The following LRP1B variants were observed in gnomAD, a reference collection of about 807,000 sequenced individuals.
LRP1B encodes the protein LDL receptor related protein 1B.
LRP1B carries 217 observed loss-of-function variants against 556.6 expected under a neutral mutation model. The observed-to-expected ratio is 0.39, with a 90% confidence interval of 0.35 to 0.44. The LOEUF (loss-of-function observed/expected upper bound fraction) is 0.44, where lower values mean the gene tolerates loss of function less well. LRP1B is among the 20% of genes least tolerant of loss of function. The pLI, the probability that LRP1B is intolerant of heterozygous loss-of-function variation, is 1.00. For synonymous variants in LRP1B, 2,047 were observed against 1,865.8 expected, an observed-to-expected ratio of 1.10 and a Z score of -2.50; for missense variants, 5,053 against 5,620.8, an observed-to-expected ratio of 0.90 and a Z score of 3.23.
At chr2:140,415,975 A>G (rs111334532) in intron 66 of LRP1B, among the ~76,000 whole-genome samples, 1,804 of 152,318 alleles carry the variant, frequency 0.012, 40 homozygotes, top group African/African-American at 0.042. Flanking sequence ...ATTTGCATCA[A>G]GGCTGAATTG....
At chr2:140,537,969 C>T (rs1203674988) in intron 45 of LRP1B, among the ~76,000 whole-genome samples, 1 of 152,020 alleles carries the variant, frequency 6.6e-6, no homozygotes, top group African/African-American at 2.4e-5. Context: ...CACCCCATTG[C>T]TTGCTGAATA....
At chr2:140,807,297 A>G (rs1460425511) in intron 32 of LRP1B, among the ~76,000 whole-genome samples, 1 of 152,152 alleles carries the variant, frequency 6.6e-6, no homozygotes, top group Admixed American at 6.6e-5. Context: ...TGTTTTTACC[A>G]TATCATTATC....
At chr2:141,655,484 T>C (rs188405510) in intron 2 of LRP1B, among the ~76,000 whole-genome samples, 1,724 of 152,252 alleles carry the variant, frequency 0.011, 19 homozygotes, top group South Asian at 0.025. Flanking sequence ...AATTAATTCA[T>C]GCAATAGGTG....
intron 57 of LRP1B, 32 bp from the exon 58 acceptor site, chr2:140,487,771 T>C (rs370598406): frequency 1.4e-6 from 2 of 1,382,484 alleles, no homozygotes; most frequent in East Asian, 2.4e-5. Flanking sequence ...TTGTCAATGA[T>C]AGTTCATAGA....
chr2:141,641,141 A>G (rs550378700), intron 2 of LRP1B, among the ~76,000 whole-genome samples: 21 of 152,166 alleles, frequency 1.4e-4, no homozygotes, highest in African/African-American at 5.1e-4. Flanking sequence ...AGAAATAAAG[A>G]TCTCTGTAAT....
Position 141,188,482 on chromosome 2 carries a change from C to T in LRP1B, c.952G>A (p.Val318Ile), listed in dbSNP as rs1001749363. 1 of 1,612,724 alleles carries T rather than the reference C, an allele frequency of 6.2e-7. No homozygotes were observed. The highest frequency in any genetic ancestry group is 8.5e-7 in the Non-Finnish European group (1 of 1,179,196). The part of the protein sequence containing the change: ...FVCNSNGSVC[V>I]TLIDLELHNP... ...TGAAGCTCCAGATCAATCAGGGTGACACATACAGAACCGTTGGAATTACAA... is the reference window on the plus strand; with the variant it reads ...TGAAGCTCCAGATCAATCAGGGTGATACATACAGAACCGTTGGAATTACAA... Residue 318 changes from valine (V) to isoleucine (I), a missense_variant, in exon 7 of 91, where the codon GTC becomes ATC. Physicochemically the swap from Val to Ile is conservative, Grantham distance 29. Coordinates refer to ENST00000389484, the MANE Select transcript of LRP1B (RefSeq NM_018557.3).
At chr2:142,109,923 G>A (rs936076703) in intron 1 of LRP1B, among the ~76,000 whole-genome samples, 6 of 152,176 alleles carry the variant, frequency 3.9e-5, no homozygotes, top group Admixed American at 3.3e-4. Flanking sequence ...AATAGCATCA[G>A]CAAAGTACAG....
At chr2:140,896,077 C>T (rs1361404817) in intron 23 of LRP1B, among the ~76,000 whole-genome samples, 2 of 152,030 alleles carry the variant, frequency 1.3e-5, no homozygotes, top group Admixed American at 1.3e-4. Context: ...CTGTTCTACC[C>T]AGTATTTCCC....
At chr2:141,475,637 A>G (rs1182746597) in intron 3 of LRP1B, among the ~76,000 whole-genome samples, 1 of 151,922 alleles carries the variant, frequency 6.6e-6, no homozygotes, top group Non-Finnish European at 1.5e-5. Flanking sequence ...ACCCATATAA[A>G]CCCCAAACCT....
intron 1 of LRP1B, among the ~76,000 whole-genome samples, chr2:142,126,231 G>C (rs1362416933): frequency 6.6e-6 from 1 of 151,432 alleles, no homozygotes; most frequent in Non-Finnish European, 1.5e-5. Context: ...TATATGCTAT[G>C]AGTCAAAAAA....
chr2:140,288,133 T>C (rs1014353183), intron 84 of LRP1B, among the ~76,000 whole-genome samples: 2 of 115,118 alleles, frequency 1.7e-5, no homozygotes, highest in Admixed American at 1.1e-4. Flanking sequence ...TCAGAACATA[T>C]ACATTTAAAA....
intron 41 of LRP1B, among the ~76,000 whole-genome samples, chr2:140,688,937 T>C (rs903162374): frequency 6.6e-6 from 1 of 152,208 alleles, no homozygotes; most frequent in African/African-American, 2.4e-5. Flanking sequence ...AAGAGCTACA[T>C]AGTCAGCCCA....
At chr2:141,675,175 T>C (rs1420656408) in intron 2 of LRP1B, among the ~76,000 whole-genome samples, 1 of 152,000 alleles carries the variant, frequency 6.6e-6, no homozygotes, top group East Asian at 1.9e-4. Context: ...CTAAATGCAC[T>C]GCAAACATTT....
At chr2:140,840,208 A>C (rs1213827848) in intron 30 of LRP1B, 123 bp from the exon 31 acceptor site, 7 of 592,024 alleles carry the variant, frequency 1.2e-5, no homozygotes, top group Non-Finnish European at 2.0e-5. Flanking sequence ...AATTCTTTTC[A>C]GAAAACTCCA....
intron 56 of LRP1B, among the ~76,000 whole-genome samples, chr2:140,494,452 A>T (rs1183101201): frequency 6.6e-6 from 1 of 151,940 alleles, no homozygotes; most frequent in Non-Finnish European, 1.5e-5. Context: ...ATACAAAAAC[A>T]AAATTAGCCG....
At chr2:141,114,547 C>T (rs1378850275) in intron 7 of LRP1B, among the ~76,000 whole-genome samples, 2 of 152,110 alleles carry the variant, frequency 1.3e-5, no homozygotes, top group East Asian at 1.9e-4. Context: ...TATTCAGATG[C>T]CCCTTCTCTT....
At chr2:140,655,866 C>A (rs1233460851) in intron 41 of LRP1B, among the ~76,000 whole-genome samples, 1 of 151,376 alleles carries the variant, frequency 6.6e-6, no homozygotes, top group Admixed American at 6.6e-5. Context: ...TGGCCTGTAC[C>A]CGGGAGGCGG....
At chr2:141,851,000 C>A (rs1178608184) in intron 1 of LRP1B, among the ~76,000 whole-genome samples, 2 of 151,668 alleles carry the variant, frequency 1.3e-5, no homozygotes, top group Admixed American at 6.6e-5. Flanking sequence ...ATATTAACCG[C>A]TCACAATAAA....
intron 1 of LRP1B, among the ~76,000 whole-genome samples, chr2:142,030,323 TA>T (rs1240318857): frequency 6.6e-6 from 1 of 151,970 alleles, no homozygotes; most frequent in East Asian, 1.9e-4. Context: ...GCAAGAAATA[TA>T]AATTGAATAA....
Sources: gnomAD v4.1 joint callset for allele counts (sites outside exome capture counted in the v4.1 genomes callset) on GRCh38, gnomAD v4.1.1 for gene constraint, MANE v1.5 for transcripts, NCBI Gene and HGNC (gene_info 2026-07-23, HGNC 2026-07-21) for gene names.